CNBD1: variants seen among roughly 807,000 people sequenced by gnomAD.
CNBD1 encodes the protein cyclic nucleotide-binding domain-containing protein 1.
CNBD1 carries 71 observed loss-of-function variants against 54.4 expected under a neutral mutation model. The ratio of observed to expected loss-of-function variants is 1.30; its 90% CI spans 1.08 to 1.59. The LOEUF (loss-of-function observed/expected upper bound fraction) is 1.59, where lower values mean the gene tolerates loss of function less well. Among genes scored for constraint, CNBD1 ranks in the 40% most tolerant of loss-of-function variants. The pLI is 0.00. For missense variants in CNBD1, 659 were observed against 518.0 expected (o/e 1.27, Z -2.64); for synonymous variants, 182 against 170.7 (o/e 1.07, Z -0.51).
chr8:87,257,212 T>TA (rs34575857), intron 6 of CNBD1, among the ~76,000 whole-genome samples: 7 of 150,816 alleles, frequency 4.6e-5, no homozygotes, highest in Admixed American at 2.0e-4. Context: ...CTACTAAAAA[T>TA]AAAAAAAATT....
chr8:87,007,582 T>C (rs931069315), intron 4 of CNBD1, among the ~76,000 whole-genome samples: 24 of 152,166 alleles, frequency 1.6e-4, no homozygotes, highest in Admixed American at 1.4e-3. Flanking sequence ...ATGTTACTGA[T>C]GGTATTTCAT....
At chr8:87,069,458 C>T (rs1586234823) in intron 4 of CNBD1, among the ~76,000 whole-genome samples, 1 of 152,010 alleles carries the variant, frequency 6.6e-6, no homozygotes, top group African/African-American at 2.4e-5. Context: ...TTACATTTGC[C>T]TACAGTGTTT....
intron 2 of CNBD1, among the ~76,000 whole-genome samples, chr8:87,425,055 CTTCATTTCA>C (rs1306058316): frequency 3.9e-5 from 6 of 152,190 alleles, no homozygotes; most frequent in African/African-American, 1.4e-4. Context: ...TTCCTTCTCG[CTTCATTTCA>C]TTCATTTCAT....
chr8:87,169,694 CTTTATTGAT>C (rs1007549684), intron 4 of CNBD1, among the ~76,000 whole-genome samples: 4 of 151,850 alleles, frequency 2.6e-5, no homozygotes, highest in Non-Finnish European at 4.4e-5. Flanking sequence ...TTCTTGACAC[CTTTATTGAT>C]TATGAATTTA....
chr8:86,897,944 G>T (rs1178771522), intron 2 of CNBD1, among the ~76,000 whole-genome samples: 3 of 151,622 alleles, frequency 2.0e-5, no homozygotes, highest in African/African-American at 7.3e-5. Context: ...TTTTGAGATA[G>T]AAAAAAATGA....
chr8:86,908,532 A>G (rs938690436), intron 3 of CNBD1, among the ~76,000 whole-genome samples: 13 of 152,204 alleles, frequency 8.5e-5, no homozygotes, highest in Admixed American at 7.9e-4. Context: ...TTATGCATTG[A>G]AAAAACTTTT....
At chr8:87,383,122 C>G (rs574841851), downstream of CNBD1, among the ~76,000 whole-genome samples, 16 of 151,988 alleles carry the variant, frequency 1.1e-4, no homozygotes, top group Non-Finnish European at 1.9e-4. Context: ...TTGAGAACTT[C>G]AAAGACCTTG....
At chr8:87,133,306 T>A (rs1420614536) in intron 4 of CNBD1, among the ~76,000 whole-genome samples, 1 of 152,192 alleles carries the variant, frequency 6.6e-6, no homozygotes, top group African/African-American at 2.4e-5. Flanking sequence ...ACATATCTAA[T>A]AACTTTGACT....
At chr8:87,047,753 T>C (rs1488998949) in intron 4 of CNBD1, among the ~76,000 whole-genome samples, 1 of 152,208 alleles carries the variant, frequency 6.6e-6, no homozygotes, top group African/African-American at 2.4e-5. Flanking sequence ...TGGATTTTCC[T>C]CTGGGGGGGT....
At chr8:87,061,503 C>T (rs969992616) in intron 4 of CNBD1, among the ~76,000 whole-genome samples, 5 of 152,204 alleles carry the variant, frequency 3.3e-5, no homozygotes, top group Admixed American at 6.5e-5. Flanking sequence ...GAATGGCTTT[C>T]ATATGCATTT....
intron 8 of CNBD1, among the ~76,000 whole-genome samples, chr8:87,346,472 G>A (rs1810178406): frequency 2.0e-5 from 3 of 151,130 alleles, no homozygotes; most frequent in Admixed American, 6.6e-5. Context: ...AATCCAATTG[G>A]CCAATTATGA....
intron 8 of CNBD1, among the ~76,000 whole-genome samples, chr8:87,296,702 T>C (rs1808883204): frequency 6.6e-6 from 1 of 152,040 alleles, no homozygotes; most frequent in Non-Finnish European, 1.5e-5. Flanking sequence ...ATTCATTTCC[T>C]TTGTATATCT....
At chr8:87,210,495 C>G (rs1229135344) in intron 5 of CNBD1, among the ~76,000 whole-genome samples, 1 of 152,166 alleles carries the variant, frequency 6.6e-6, no homozygotes, top group Non-Finnish European at 1.5e-5. Flanking sequence ...GGCCCAGAGG[C>G]TAAGGATGAA....
intron 4 of CNBD1, among the ~76,000 whole-genome samples, chr8:86,978,534 CTTTTTTTTT>C (rs71277907): frequency 4.5e-5 from 3 of 66,708 alleles, no homozygotes; most frequent in Non-Finnish European, 7.9e-5. Context: ...ATGCTTTTAT[CTTTTTTTTT>C]TTTTTTTTTT....
At chr8:87,175,045 C>A (rs1813168705) in intron 4 of CNBD1, among the ~76,000 whole-genome samples, 1 of 152,162 alleles carries the variant, frequency 6.6e-6, no homozygotes, top group Non-Finnish European at 1.5e-5. Flanking sequence ...TACTAGGTCT[C>A]ACTCAAGGCC....
chr8:87,197,178 G>C (rs894542724), intron 4 of CNBD1, among the ~76,000 whole-genome samples: 1 of 152,176 alleles, frequency 6.6e-6, no homozygotes, highest in Non-Finnish European at 1.5e-5. Flanking sequence ...CTCAATGTAT[G>C]ACTTTTTGCT....
chr8:87,364,478 T>G (rs895029959), intron 10 of CNBD1, among the ~76,000 whole-genome samples: 2 of 146,362 alleles, frequency 1.4e-5, no homozygotes, highest in Non-Finnish European at 3.0e-5. Flanking sequence ...TCTTTTTATT[T>G]TATTTTTTAA....
At chr8:87,412,072 A>G (rs984170310) in intron 2 of CNBD1, among the ~76,000 whole-genome samples, 1 of 152,030 alleles carries the variant, frequency 6.6e-6, no homozygotes, top group Non-Finnish European at 1.5e-5. Context: ...ATTACTTAGT[A>G]TCTCAGATTT....
At chr8:87,248,471 A>G (rs1016673089) in intron 6 of CNBD1, among the ~76,000 whole-genome samples, 4 of 152,354 alleles carry the variant, frequency 2.6e-5, no homozygotes, top group African/African-American at 7.2e-5. Flanking sequence ...GTGGCCTTCA[A>G]TAATTGCTTC....
Sources: gnomAD v4.1 joint callset for allele counts (sites outside exome capture counted in the v4.1 genomes callset) on GRCh38, gnomAD v4.1.1 for gene constraint, MANE v1.5 for transcripts, NCBI Gene and HGNC (gene_info 2026-07-23, HGNC 2026-07-21) for gene names.